The following SP3 variants were observed in gnomAD, a reference collection of about 807,000 sequenced individuals.
SP3 encodes the protein Sp3 transcription factor.
Under a neutral mutation model 70.3 loss-of-function variants are expected in SP3, and 10 were observed. That is an observed-to-expected ratio of 0.14 (90% CI 0.09 to 0.24). The LOEUF (loss-of-function observed/expected upper bound fraction) is 0.24, where lower values mean the gene tolerates loss of function less well. Among genes scored for constraint, SP3 ranks in the 10% least tolerant of loss-of-function variants. SP3 has a pLI of 1.00. For synonymous variants in SP3, 402 were observed against 333.5 expected, an observed-to-expected ratio of 1.21 and a Z score of -2.24; for missense variants, 825 against 914.6, an observed-to-expected ratio of 0.90 and a Z score of 1.26.
intron 4 of SP3, among the ~76,000 whole-genome samples, chr2:173,938,459 CAA>C (rs747595137): frequency 3.7e-4 from 17 of 46,384 alleles, no homozygotes; most frequent in Admixed American, 8.7e-4. Flanking sequence ...AACTTTGCCT[CAA>C]AAAAAAAAAA....
At chr2:173,954,836 T>G in intron 4 of SP3, 37 bp downstream of exon 4, 2 of 1,589,660 alleles carry the variant, frequency 1.3e-6, no homozygotes, top group Admixed American at 1.7e-5. Context: ...GTATTATCAC[T>G]GAACTTATTT....
chr2:173,965,474 A>C, upstream of SP3: 1 of 348,888 alleles, frequency 2.9e-6, no homozygotes, highest in Non-Finnish European at 5.2e-6. Flanking sequence ...TCGGTCTGCC[A>C]GGCGGCGCGC....
At chr2:173,960,954 C>T (rs545768224) in intron 3 of SP3, among the ~76,000 whole-genome samples, 5 of 152,044 alleles carry the variant, frequency 3.3e-5, no homozygotes, top group East Asian at 1.9e-4. Context: ...CCAGTCTGGG[C>T]GACAGAGTGA....
chr2:173,916,724 C>G (rs1368068302), intron 5 of SP3: 1 of 152,016 alleles, frequency 6.6e-6, no homozygotes, highest in East Asian at 1.9e-4. Flanking sequence ...TATAAACTAG[C>G]CTTTCTAGCA....
chr2:173,923,720 C>CT (rs1689825974), intron 4 of SP3, among the ~76,000 whole-genome samples: 1 of 151,716 alleles, frequency 6.6e-6, no homozygotes. Context: ...CTGCCTTCAA[C>CT]TTTTTTAAGC....
intron 5 of SP3, chr2:173,915,966 AAAT>A (rs1380132012): frequency 6.6e-6 from 1 of 152,126 alleles, no homozygotes; most frequent in Non-Finnish European, 1.5e-5. Context: ...TTCTTTAAAA[AAAT>A]AATGGTTGCA....
chr2:173,919,918 G>A (rs916552423), intron 4 of SP3, among the ~76,000 whole-genome samples: 1 of 152,096 alleles, frequency 6.6e-6, no homozygotes, highest in African/African-American at 2.4e-5. Context: ...TTACAGCAAT[G>A]TTATTTGTAA....
intron 4 of SP3, among the ~76,000 whole-genome samples, chr2:173,946,896 T>TTC (rs397730810): frequency 6.6e-6 from 1 of 151,386 alleles, no homozygotes; most frequent in Non-Finnish European, 1.5e-5. Context: ...TTTTTTTTTT[T>TTC]AAGGTAGACG....
At chr2:173,959,988 G>A (rs1053708357) in intron 3 of SP3, among the ~76,000 whole-genome samples, 1 of 152,114 alleles carries the variant, frequency 6.6e-6, no homozygotes, top group Admixed American at 6.5e-5. Flanking sequence ...TAGGCAACAT[G>A]GCGAAGCCCC....
chr2:173,945,061 G>A (rs1339046724), intron 4 of SP3, among the ~76,000 whole-genome samples: 1 of 152,204 alleles, frequency 6.6e-6, no homozygotes, highest in Admixed American at 6.5e-5. Flanking sequence ...ATCAGAACAA[G>A]TAAATGGTTA....
intron 1 of SP3, 55 bp downstream of exon 1, chr2:173,965,110 C>T (rs1401560357): frequency 1.3e-6 from 2 of 1,546,066 alleles, no homozygotes; most frequent in African/African-American, 1.4e-5. Context: ...TGGCTGTGGT[C>T]GGCGGCAGCG....
intron 4 of SP3, among the ~76,000 whole-genome samples, chr2:173,935,756 T>C (rs868713533): frequency 1.3e-5 from 2 of 152,200 alleles, no homozygotes; most frequent in Admixed American, 1.3e-4. Flanking sequence ...CTAGCAACAA[T>C]TATTTCAACC....
rs1689374600 is a variant in SP3, at chr2:173,907,902, CAT to C, written c.*2037_*2038del. On this transcript the variant is annotated 3_prime_UTR_variant, in exon 7 of 7. Transcript: ENST00000310015. ...AAGTCTCACATTTAGAAAAACTGTC[CAT>C]GTTTATGCGTGTCTAGAGTTCTCCA... 1 of 151,984 alleles carries C rather than the reference CAT, an allele frequency of 6.6e-6. No homozygotes were observed. Among genetic ancestry groups the C allele is most frequent in the Non-Finnish European group, 1.5e-5 (1 of 67,952 alleles). The allele number at this position is 151,984 out of a possible 1,614,324, so 9.4% of individuals were successfully genotyped here.
intron 4 of SP3, 84 bp from the exon 5 acceptor site, chr2:173,918,869 A>G (rs543246799): frequency 1.5e-5 from 19 of 1,226,608 alleles, no homozygotes; most frequent in East Asian, 1.2e-4. Context: ...TCTTCTCCCA[A>G]TGTTACAACT....
In SP3 at chr2:173,954,879, G is replaced by T. The variant is rs762113994; in HGVS notation, c.1633C>A (p.Pro545Thr). The T allele has an allele frequency of 6.2e-7, 1 of 1,610,972 alleles. No homozygotes were observed. Among genetic ancestry groups the T allele is most frequent in the South Asian group, 1.1e-5 (1 of 91,016 alleles). ...QLHPGENADS[P>T]ADIRIKEEEP... ...GACATAACTTAAGACTCACCTGCAG[G>T]ACTGTCAGCATTCTCTCCTGGATGT... Residue 545 changes from proline (P) to threonine (T), a missense_variant, in exon 4 of 7, where the codon CCT becomes ACT. Pro to Thr is a conservative substitution (Grantham distance 38). Transcript: ENST00000310015.
At chr2:173,929,241 GA>G (rs1343950303) in intron 4 of SP3, among the ~76,000 whole-genome samples, 4 of 152,156 alleles carry the variant, frequency 2.6e-5, no homozygotes, top group Admixed American at 1.3e-4. Flanking sequence ...AGAATTAAAG[GA>G]AAGGGCAATT....
chr2:173,928,594 T>TA lies in SP3; in HGVS notation c.1640-9810dup, dbSNP rs35289276. ...GTAAACAATCCTGAGTTGGTATCAA[T>TA]ATAAATAGAAGAAAAAATGCTTTAA... On this transcript the variant is annotated intron_variant, in intron 4 of 6. Transcript: ENST00000310015. 6.6e-3 allele frequency among the ~76,000 whole-genome samples: 999 copies of TA among 151,752 alleles called. 17 individuals carry two copies. Among genetic ancestry groups the TA allele is most frequent in the East Asian group, 0.037 (193 of 5,170 alleles).
chr2:173,902,326 G>C lies in SP3; in HGVS notation c.*7615C>G, dbSNP rs568765379. ...CATTGGAAAAAACATATCTGCCAAG[G>C]CAGGATTGGGAGGGTATGGAAAAAA... On this transcript the variant is annotated 3_prime_UTR_variant, in exon 7 of 7. Transcript: ENST00000310015. Among the ~76,000 whole-genome samples, 31 of 152,270 alleles carry C rather than the reference G, an allele frequency of 2.0e-4. No homozygotes were observed. In the East Asian group the frequency reaches 3.1e-3, roughly 15 times the overall value.
chr2:173,962,307 C>G (rs1461227075), intron 3 of SP3, among the ~76,000 whole-genome samples: 2 of 152,106 alleles, frequency 1.3e-5, no homozygotes, highest in African/African-American at 4.8e-5. Flanking sequence ...AAGTTTTGTT[C>G]CATTTGAAAT....
Sources: gnomAD v4.1 joint callset for allele counts (sites outside exome capture counted in the v4.1 genomes callset) on GRCh38, gnomAD v4.1.1 for gene constraint, MANE v1.5 for transcripts, NCBI Gene and HGNC (gene_info 2026-07-23, HGNC 2026-07-21) for gene names.